KCTD15: variants seen among roughly 807,000 people sequenced by gnomAD.
The protein encoded by KCTD15 is BTB/POZ domain-containing protein KCTD15.
In KCTD15, 11 loss-of-function variants were observed where a neutral mutation model predicts 27.2. The observed-to-expected ratio is 0.41, with a 90% confidence interval of 0.25 to 0.67. KCTD15 has a LOEUF of 0.67. Ranked by LOEUF, KCTD15 falls within the 30% of genes least tolerant of loss-of-function variation. The pLI is 0.35. For synonymous variants in KCTD15, 163 were observed against 176.0 expected (o/e 0.93, Z 0.58); for missense variants, 350 against 409.3 (o/e 0.86, Z 1.25).
chr19:33,797,393 A>G, intron 1 of KCTD15: 1 of 455,394 alleles, frequency 2.2e-6, no homozygotes, highest in Non-Finnish European at 4.4e-6. Context: ...GGCTCACGCA[A>G]CTGGGGCTTC....
At chr19:33,805,354 G>A (rs752380547) in intron 4 of KCTD15, among the ~76,000 whole-genome samples, 8 of 152,196 alleles carry the variant, frequency 5.3e-5, no homozygotes, top group Non-Finnish European at 1.0e-4. Context: ...TGGTGTGGAC[G>A]GGAGGCCCTG....
intron 5 of KCTD15, among the ~76,000 whole-genome samples, chr19:33,810,878 C>G (rs1010097025): frequency 6.6e-6 from 1 of 151,904 alleles, no homozygotes; most frequent in African/African-American, 2.4e-5. Flanking sequence ...GATCTCTTCT[C>G]TCGGTGGGAT....
rs1470830820 is a variant in KCTD15 at position 33,815,100 on chromosome 19, GAT to G, written c.*2156_*2157del. The G allele has an allele frequency of 1.3e-5, 2 of 152,154 alleles. No individual in the cohort carries two copies. Among genetic ancestry groups the G allele is most frequent in the Admixed American group, 6.6e-5 (1 of 15,264 alleles). 9.4% of individuals were successfully genotyped at this position (152,154 alleles called of 1,614,324 possible). A position where few individuals can be genotyped will look rare whatever the true frequency, so the allele number is the denominator to read the frequency against. On this transcript the variant is annotated 3_prime_UTR_variant, in exon 7 of 7. Coordinates refer to ENST00000683859, the MANE Select transcript of KCTD15 (RefSeq NM_001129994.2). ...GCTGTGTATGTTTATGGATTTTTCTGATATAACAGCCAGCATGGTTACCGAGT... is the reference window on the plus strand; with the variant it reads ...GCTGTGTATGTTTATGGATTTTTCTGATAACAGCCAGCATGGTTACCGAGT...
rs1163952019 is a variant in KCTD15 at position 33,814,780 on chromosome 19, C to G, written c.*1832C>G. The G allele has an allele frequency of 6.6e-6, 1 of 152,214 alleles. No homozygotes were observed. Among genetic ancestry groups the G allele is most frequent in the Non-Finnish European group, 1.5e-5 (1 of 68,058 alleles). The allele number at this position is 152,214 out of a possible 1,614,324, so 9.4% of individuals were successfully genotyped here. On this transcript the variant is annotated 3_prime_UTR_variant, in exon 7 of 7. Transcript: ENST00000683859. ...CAATGAGACCTTTTGCATTTTTTCTCAAAGCCCTTATGTTCTAACCCATGA... is the reference window on the plus strand; with the variant it reads ...CAATGAGACCTTTTGCATTTTTTCTGAAAGCCCTTATGTTCTAACCCATGA...
chr19:33,811,414 C>A lies in KCTD15; in HGVS notation c.555C>A (p.Gly185=). Residue 185 remains glycine (G), a synonymous_variant, in exon 6 of 7, where the codon GGC becomes GGA. Transcript: ENST00000683859. Reference sequence around the variant, plus strand: ...TGGGCGAGCGGATCGCACTCAGCGGCGAGAAGGCCCTCATCGAGGAGGTCT... The same window carrying A: ...TGGGCGAGCGGATCGCACTCAGCGGAGAGAAGGCCCTCATCGAGGAGGTCT... ...PDLGERIALS[G]EKALIEEVFP... The A allele has an allele frequency of 6.2e-7, 1 of 1,610,412 alleles. No individual in the cohort carries two copies. The highest frequency in any genetic ancestry group is 8.5e-7 in the Non-Finnish European group (1 of 1,178,714).
chr19:33,801,139 TTG>T, intron 3 of KCTD15, 26 bp from the exon 4 acceptor site: 4 of 1,563,180 alleles, frequency 2.6e-6, no homozygotes, highest in Non-Finnish European at 3.5e-6. Flanking sequence ...TTTGAAACTC[TTG>T]TGTTCCGCTT....
At chr19:33,811,176 C>CT (rs1377007552) in intron 5 of KCTD15, 71 bp from the exon 6 acceptor site, 1 of 1,004,162 alleles carries the variant, frequency 1.0e-6, no homozygotes, top group African/African-American at 1.6e-5. Context: ...GGCAGGCCGC[C>CT]TCCCCTCTCC....
intron 5 of KCTD15, among the ~76,000 whole-genome samples, chr19:33,809,008 GGC>G (rs1260939266): frequency 6.6e-6 from 1 of 151,950 alleles, no homozygotes; most frequent in African/African-American, 2.4e-5. Flanking sequence ...CGGGTGCGGT[GGC>G]TCACACCTGT....
At chr19:33,798,850 G>A (rs1975439614) in intron 2 of KCTD15, 84 bp downstream of exon 2, 1 of 152,434 alleles carries the variant, frequency 6.6e-6, no homozygotes, top group Non-Finnish European at 1.5e-5. Flanking sequence ...CTTCTGTGAT[G>A]GAGGCTTGGT....
intron 5 of KCTD15, 115 bp downstream of exon 5, chr19:33,807,122 G>C: frequency 7.8e-7 from 1 of 1,277,896 alleles, no homozygotes; most frequent in Non-Finnish European, 1.1e-6. Context: ...AAAGTTAAAC[G>C]ATGAAGCCGA....
At chr19:33,797,462 T>A (rs935122597) in intron 1 of KCTD15, 7 of 443,046 alleles carry the variant, frequency 1.6e-5, no homozygotes, top group African/African-American at 4.0e-5. Flanking sequence ...GTGGGACAGA[T>A]GTGCGTCCTC....
chr19:33,813,551 T>TCTC lies in KCTD15; in HGVS notation c.*603_*604insCTC. ...TCGGGACAGATGCAGGGATGTGTGC[T>TCTC]GCAGGGCTGCTGGGAGGAGAGTGGT... On this transcript the variant is annotated 3_prime_UTR_variant, in exon 7 of 7. Coordinates refer to ENST00000683859, the MANE Select transcript of KCTD15 (RefSeq NM_001129994.2). The TCTC allele has an allele frequency of 2.7e-6, 1 of 371,300 alleles. No homozygotes were observed. The highest frequency in any genetic ancestry group is 2.0e-5 in the South Asian group (1 of 49,702). 23.0% of individuals were successfully genotyped at this position (371,300 alleles called of 1,614,324 possible).
rs1975955853 is a variant in KCTD15, at chr19:33,812,450, A to G, written c.694-340A>G. Reference sequence around the variant, plus strand: ...GACACTTGGGGCCATGTGTCTGGAGAGAGGGCATAGGTTACACCCTACAGA... The same window carrying G: ...GACACTTGGGGCCATGTGTCTGGAGGGAGGGCATAGGTTACACCCTACAGA... On this transcript the variant is annotated intron_variant, in intron 6 of 6. Transcript: ENST00000683859. 3 of 1,095,690 alleles carry G rather than the reference A, an allele frequency of 2.7e-6. No individual in the cohort carries two copies. The East Asian group carries it at 1.7e-4, about 63-fold the overall frequency. 67.9% of individuals were successfully genotyped at this position (1,095,690 alleles called of 1,614,324 possible).
At chr19:33,795,115 T>C (rs1301502879), upstream of KCTD15, among the ~76,000 whole-genome samples, 1 of 152,260 alleles carries the variant, frequency 6.6e-6, no homozygotes, top group East Asian at 1.9e-4. Flanking sequence ...CTGCGGCATC[T>C]TTGTAAGCTA....
At chr19:33,801,523 T>A in intron 4 of KCTD15, 181 bp downstream of exon 4, 1 of 538,638 alleles carries the variant, frequency 1.9e-6, no homozygotes, top group Non-Finnish European at 3.2e-6. Context: ...TGTTGAAAGC[T>A]GCTATGCACA....
rs532361014 is a variant in KCTD15 at position 33,812,116 on chromosome 19, GC to G, written c.693+565del. The G allele has an allele frequency of 4.0e-4, 520 of 1,291,690 alleles. No homozygotes were observed. In the Middle Eastern group the frequency reaches 7.5e-3, roughly 19 times the overall value. 80.0% of individuals were successfully genotyped at this position (1,291,690 alleles called of 1,614,324 possible). On this transcript the variant is annotated intron_variant, in intron 6 of 6. Coordinates refer to ENST00000683859, the MANE Select transcript of KCTD15 (RefSeq NM_001129994.2). ...TCCGGGTTAGGGTGGAATGGGCTTT[GC>G]AGGGAAGAGGGCCCCCTGTGCACGC...
intron 4 of KCTD15, 148 bp downstream of exon 4, chr19:33,801,490 G>C (rs1164172650): frequency 4.7e-6 from 3 of 641,370 alleles, no homozygotes; most frequent in African/African-American, 3.7e-5. Context: ...GAGGGAGCTA[G>C]GGTTGGGGAG....
chr19:33,811,514 T>C lies in KCTD15; in HGVS notation c.655T>C (p.Phe219Leu). 5 of 1,609,896 alleles carry C rather than the reference T, an allele frequency of 3.1e-6. No individual in the cohort carries two copies. Among genetic ancestry groups the C allele is most frequent in the Non-Finnish European group, 4.2e-6 (5 of 1,177,368 alleles). Residue 219 changes from phenylalanine (F) to leucine (L), a missense_variant, in exon 6 of 7, where the codon TTC becomes CTC. This residue lies in a region of KCTD15 where 219 missense variants were observed against 234.9 expected (regional missense o/e 0.93). Transcript: ENST00000683859. ...CCAGGACCCCACGCACGTCATCCGC[T>C]TCCCGCTCAATGGCTACTGCCGGCT... ...WNQDPTHVIR[F>L]PLNGYCRLNS...
chr19:33,808,381 CCTGGG>C (rs1222504915), intron 5 of KCTD15, among the ~76,000 whole-genome samples: 1 of 152,138 alleles, frequency 6.6e-6, no homozygotes, highest in Non-Finnish European at 1.5e-5. Context: ...GTCCATGTGA[CCTGGG>C]CTGGGCGGGT....
Sources: gnomAD v4.1 joint callset for allele counts (sites outside exome capture counted in the v4.1 genomes callset) on GRCh38, gnomAD v4.1.1 for gene constraint, gnomAD v4.1.1 regional missense constraint, MANE v1.5 for transcripts, NCBI Gene and HGNC (gene_info 2026-07-23, HGNC 2026-07-21) for gene names.